The following ANKRD11 variants were observed in gnomAD, a reference collection of about 807,000 sequenced individuals.
ANKRD11 encodes the protein ankyrin repeat domain 11, also known as ankyrin repeat domain-containing protein 11.
Under a neutral mutation model 195.7 loss-of-function variants are expected in ANKRD11, and 17 were observed. That is an observed-to-expected ratio of 0.09 (90% CI 0.06 to 0.13). The LOEUF is 0.13. Among genes scored for constraint, ANKRD11 ranks in the 10% least tolerant of loss-of-function variants. The pLI is 1.00. For synonymous variants in ANKRD11, 1,953 were observed against 1,528.1 expected (o/e 1.28, Z -6.49); for missense variants, 3,735 against 3,566.1 (o/e 1.05, Z -1.21).
intron 2 of ANKRD11, among the ~76,000 whole-genome samples, chr16:89,372,100 G>C (rs1296173179): frequency 6.6e-6 from 1 of 152,216 alleles, no homozygotes; most frequent in African/African-American, 2.4e-5. Context: ...CCACCACGGC[G>C]GGCACCCGGC....
chr16:89,407,209 C>T (rs1031320178), intron 2 of ANKRD11, among the ~76,000 whole-genome samples: 3 of 151,034 alleles, frequency 2.0e-5, no homozygotes, highest in Non-Finnish European at 2.9e-5. Flanking sequence ...AAAAAGAACA[C>T]GCAGACAGAA....
intron 1 of ANKRD11, among the ~76,000 whole-genome samples, chr16:89,428,622 A>G (rs2152263776): frequency 6.6e-6 from 1 of 152,188 alleles, no homozygotes; most frequent in South Asian, 2.1e-4. Flanking sequence ...TAGGCCAGGC[A>G]TGGTGGCCCA....
chr16:89,297,783 TTCTC>T (rs956399295), intron 4 of ANKRD11: 3 of 152,178 alleles, frequency 2.0e-5, no homozygotes, highest in African/African-American at 7.2e-5. Context: ...ATCTCCAGGT[TTCTC>T]TCTCTTTCTG....
Position 89,285,713 on chromosome 16 carries a change from A to G in ANKRD11, c.893-64T>C. 6.4e-7 allele frequency: 1 copy of G among 1,555,916 alleles called. No individual in the cohort carries two copies. The highest frequency in any genetic ancestry group is 2.2e-5 in the East Asian group (1 of 44,580). ...AAAACAGCTCTCCCCAGAATGGCAG[A>G]GGAGGGAGGCTCTGCAGATGTGTCT... is the stretch of plus-strand genomic sequence containing the variant. On this transcript the variant is annotated intron_variant, in intron 8 of 12. Transcript: ENST00000301030. This position sits in a 1 kb window ranked among gnomAD's most constrained non-coding sequence, Gnocchi z 5.6.
chr16:89,343,673 C>T (rs1425215964), intron 2 of ANKRD11: 1 of 152,248 alleles, frequency 6.6e-6, no homozygotes, highest in African/African-American at 2.4e-5. Flanking sequence ...ATCCATAAAC[C>T]ACCAATTACC....
chr16:89,444,473 G>C (rs939965139), intron 1 of ANKRD11, among the ~76,000 whole-genome samples: 1 of 151,398 alleles, frequency 6.6e-6, no homozygotes, highest in Non-Finnish European at 1.5e-5. Context: ...GGGTGGAGTG[G>C]AGGGAGGGGG....
intron 1 of ANKRD11, among the ~76,000 whole-genome samples, chr16:89,479,787 C>T (rs577175441): frequency 6.6e-6 from 1 of 151,466 alleles, no homozygotes; most frequent in African/African-American, 2.4e-5. Flanking sequence ...ACTAAAAATA[C>T]AAAAAATTAG....
At chr16:89,410,965 G>A (rs2042088437) in intron 2 of ANKRD11, among the ~76,000 whole-genome samples, 1 of 152,266 alleles carries the variant, frequency 6.6e-6, no homozygotes, top group African/African-American at 2.4e-5. Context: ...AACATGTTCA[G>A]GCTGCCCGGC....
intron 2 of ANKRD11, among the ~76,000 whole-genome samples, chr16:89,401,232 C>G (rs900724803): frequency 6.6e-6 from 1 of 152,060 alleles, no homozygotes; most frequent in African/African-American, 2.4e-5. Context: ...ACGGCCGCCA[C>G]CACGCCCGGC....
chr16:89,279,917 C>G lies in ANKRD11; in HGVS notation c.6625G>C (p.Gly2209Arg). 6.2e-7 allele frequency: 1 copy of G among 1,609,852 alleles called. No individual in the cohort carries two copies. The change falls in exon 9 of 13, where the codon GGG (glycine) becomes CGG (arginine). Residue 2209 changes from glycine (G) to arginine (R), a missense_variant. Transcript: ENST00000301030. The surrounding 1 kb of genome is among the most constrained non-coding windows in gnomAD (Gnocchi z 5.6). ...LPAELEPEPS[G>R]EPKLDVALEA... ...AGAGCCACGTCCAGCTTTGGCTCCC[C>G]TGAGGGCTCAGGCTCGAGCTCTGCA... is the stretch of plus-strand genomic sequence containing the variant.
At chr16:89,424,842 G>C (rs771161503) in intron 1 of ANKRD11, among the ~76,000 whole-genome samples, 1 of 152,276 alleles carries the variant, frequency 6.6e-6, no homozygotes, top group Non-Finnish European at 1.5e-5. Flanking sequence ...GGGGCCCCCA[G>C]TGGTGAACAC....
At chr16:89,460,570 A>C (rs188386175) in intron 1 of ANKRD11, among the ~76,000 whole-genome samples, 3 of 152,268 alleles carry the variant, frequency 2.0e-5, no homozygotes, top group African/African-American at 7.2e-5. Context: ...AAAACAAAAC[A>C]AAACAAAAAT....
Position 89,282,397 on chromosome 16 carries a change from T to G in ANKRD11, c.4145A>C (p.Glu1382Ala), listed in dbSNP as rs1379926731. 3 of 1,614,204 alleles carry G rather than the reference T, an allele frequency of 1.9e-6. No individual in the cohort carries two copies. Among genetic ancestry groups the G allele is most frequent in the Non-Finnish European group, 2.5e-6 (3 of 1,180,038 alleles). ...EKKEKGEDYK[E>A]GGSRKDSGQY... Reference sequence around the variant, plus strand: ...GCCGGAGTCCTTCCTGCTACCGCCCTCCTTGTAATCTTCGCCCTTCTCTTT... The same window carrying G: ...GCCGGAGTCCTTCCTGCTACCGCCCGCCTTGTAATCTTCGCCCTTCTCTTT... Residue 1382 changes from glutamate to alanine, a missense_variant, in exon 9 of 13, where the codon GAG becomes GCG. Transcript: ENST00000301030.
chr16:89,346,204 C>A (rs76225951), intron 2 of ANKRD11, among the ~76,000 whole-genome samples: 2 of 147,300 alleles, frequency 1.4e-5, no homozygotes, highest in African/African-American at 5.1e-5. Flanking sequence ...GCCAAGATCA[C>A]GCCACGGCAC....
intron 2 of ANKRD11, among the ~76,000 whole-genome samples, chr16:89,414,565 G>C (rs550965385): frequency 6.6e-6 from 1 of 152,348 alleles, no homozygotes; most frequent in Admixed American, 6.5e-5. Flanking sequence ...TTTCTGTAAA[G>C]TGTTATTTAA....
intron 2 of ANKRD11, chr16:89,395,738 G>C (rs1038678552): frequency 6.6e-6 from 1 of 152,186 alleles, no homozygotes; most frequent in African/African-American, 2.4e-5. Context: ...CACACAGACT[G>C]AATAGCTTGG....
chr16:89,476,034 A>G (rs1238003802), intron 1 of ANKRD11, among the ~76,000 whole-genome samples: 2 of 151,350 alleles, frequency 1.3e-5, no homozygotes, highest in African/African-American at 2.4e-5. Flanking sequence ...CCTGAGTGAT[A>G]GAGCGAGACT....
intron 2 of ANKRD11, among the ~76,000 whole-genome samples, chr16:89,415,861 C>G (rs79609240): frequency 0.033 from 2,588 of 77,984 alleles, 88 homozygotes; most frequent in African/African-American, 0.11. Flanking sequence ...CAATGGAGAA[C>G]CAGCCTCAGT....
intron 1 of ANKRD11, among the ~76,000 whole-genome samples, chr16:89,465,645 G>T (rs2056855764): frequency 6.6e-6 from 1 of 152,206 alleles, no homozygotes; most frequent in Admixed American, 6.5e-5. Flanking sequence ...ATGTACTCCT[G>T]CACGTCACGT....
Sources: allele counts gnomAD v4.1 joint callset (sites outside exome capture counted in the v4.1 genomes callset), GRCh38; gene constraint gnomAD v4.1.1; non-coding constraint Gnocchi (gnomAD v3.1); transcripts MANE v1.5; gene names NCBI Gene and HGNC (gene_info 2026-07-23, HGNC 2026-07-21).